ATF7: variants seen among roughly 807,000 people sequenced by gnomAD.
The protein encoded by ATF7 is activating transcription factor 7, also known as cyclic AMP-dependent transcription factor ATF-7.
Under a neutral mutation model 50.4 loss-of-function variants are expected in ATF7, and 10 were observed. The observed-to-expected ratio is 0.20, with a 90% CI of 0.12 to 0.34. ATF7 has a LOEUF of 0.34. Ranked by LOEUF, ATF7 falls within the 10% of genes least tolerant of loss-of-function variation. The probability of loss-of-function intolerance (pLI) is 1.00; values close to 1 mark genes in which losing one functional copy is unlikely to be tolerated. For synonymous variants in ATF7, 201 were observed against 226.4 expected (o/e 0.89, Z 1.01); for missense variants, 465 against 613.9 (o/e 0.76, Z 2.56).
chr12:53,575,317 G>T (rs1942002284), intron 2 of ATF7, among the ~76,000 whole-genome samples: 1 of 151,898 alleles, frequency 6.6e-6, no homozygotes, highest in Admixed American at 6.6e-5. Flanking sequence ...TGAGGCAGGA[G>T]AATCGCTTGA....
chr12:53,618,703 T>TTGTG (rs368518238), intron 1 of ATF7, among the ~76,000 whole-genome samples: 6 of 102,414 alleles, frequency 5.9e-5, no homozygotes, highest in African/African-American at 9.0e-5. Context: ...TAAATGGCAA[T>TTGTG]TGTGTGTGTG....
intron 2 of ATF7, among the ~76,000 whole-genome samples, chr12:53,598,410 A>G (rs1943252464): frequency 6.6e-6 from 1 of 152,232 alleles, no homozygotes; most frequent in Non-Finnish European, 1.5e-5. Flanking sequence ...AGAGGTAGCA[A>G]TGTTCCACAC....
At chr12:53,547,112 G>A (rs540720220) in intron 3 of ATF7, among the ~76,000 whole-genome samples, 1 of 150,374 alleles carries the variant, frequency 6.7e-6, no homozygotes, top group Non-Finnish European at 1.5e-5. Context: ...AGCCTCCCGA[G>A]TAGCTGGGAC....
intron 1 of ATF7, among the ~76,000 whole-genome samples, chr12:53,623,482 T>C (rs1310842435): frequency 2.0e-5 from 3 of 152,232 alleles, no homozygotes; most frequent in Non-Finnish European, 2.9e-5. Flanking sequence ...GAATGCTGCA[T>C]TTGTTTTTCT....
chr12:53,580,559 A>G (rs144670370), intron 2 of ATF7, among the ~76,000 whole-genome samples: 10,435 of 150,256 alleles, frequency 0.069, 550 homozygotes, highest in East Asian at 0.22. Context: ...AGCTACTCAG[A>G]AGGCTGAGGC....
chr12:53,536,766 T>C (rs1038939756), intron 5 of ATF7, among the ~76,000 whole-genome samples: 2 of 151,976 alleles, frequency 1.3e-5, no homozygotes, highest in Non-Finnish European at 2.9e-5. Flanking sequence ...CACGCACCTG[T>C]AGTCCCAGCT....
intron 2 of ATF7, among the ~76,000 whole-genome samples, chr12:53,565,637 T>A (rs1941408075): frequency 2.0e-5 from 3 of 151,894 alleles, no homozygotes; most frequent in Admixed American, 2.0e-4. Context: ...GGATTACAGG[T>A]GTGTGCTACC....
At chr12:53,528,877 G>C (rs998130706) in intron 9 of ATF7, among the ~76,000 whole-genome samples, 1 of 152,186 alleles carries the variant, frequency 6.6e-6, no homozygotes, top group Admixed American at 6.5e-5. Context: ...GTCATGCAGG[G>C]AATGGAGGTG....
At chr12:53,572,366 A>T (rs187123241) in intron 2 of ATF7, among the ~76,000 whole-genome samples, 29 of 152,294 alleles carry the variant, frequency 1.9e-4, no homozygotes, top group African/African-American at 6.0e-4. Context: ...CATGACAATC[A>T]AGTGCCAGGG....
intron 8 of ATF7, 110 bp from the exon 9 acceptor site, chr12:53,532,006 T>C: frequency 2.4e-6 from 3 of 1,254,032 alleles, no homozygotes; most frequent in Non-Finnish European, 3.3e-6. Flanking sequence ...AAATTTCCAC[T>C]CTAGTTCTCC....
intron 1 of ATF7, 67 bp from the exon 2 acceptor site, chr12:53,601,088 C>T (rs940264326): frequency 1.8e-6 from 2 of 1,086,558 alleles, no homozygotes; most frequent in Non-Finnish European, 2.7e-6. Flanking sequence ...AAAAAAAGTG[C>T]TTCAAAAATA....
At chr12:53,596,413 G>GAGGAAATGCGTTCCTGTTTTTA (rs1223319221) in intron 2 of ATF7, among the ~76,000 whole-genome samples, 1 of 152,218 alleles carries the variant, frequency 6.6e-6, no homozygotes, top group Non-Finnish European at 1.5e-5. Flanking sequence ...TATCTCCTCA[G>GAGGAAATGCGTTCCTGTTTTTA]AGGAAATGCG....
chr12:53,615,810 T>A lies in ATF7; in HGVS notation c.-22+10469A>T, dbSNP rs527480363. Among the ~76,000 whole-genome samples, 27 of 151,776 alleles carry A rather than the reference T, an allele frequency of 1.8e-4. No homozygotes were observed. The South Asian group carries it at 5.2e-3, about 29-fold the overall frequency. On this transcript the variant is annotated intron_variant, in intron 1 of 11. Transcript: ENST00000420353. Reference sequence around the variant, plus strand: ...AGGAGGACTGGAGGATCACTTGAGCTCAGGAGTTCAAGGCTGCCAGTGAGT... The same window carrying A: ...AGGAGGACTGGAGGATCACTTGAGCACAGGAGTTCAAGGCTGCCAGTGAGT...
Position 53,524,686 on chromosome 12 carries a change from G to A in ATF7, c.1003C>T (p.Arg335Trp). The A allele has an allele frequency of 1.9e-6, 3 of 1,613,418 alleles. No homozygotes were observed. Among genetic ancestry groups the A allele is most frequent in the Non-Finnish European group, 1.7e-6 (2 of 1,179,864 alleles). The change falls in exon 10 of 12, where the codon CGG (arginine) becomes TGG (tryptophan). Residue 335 changes from arginine (R) to tryptophan (W), a missense_variant. Transcript: ENST00000420353. This position sits in a 1 kb window ranked among gnomAD's most constrained non-coding sequence, Gnocchi z 4.6. ...RTVDEDPDER[R>W]QRFLERNRAA... ...CGGTTGCGCTCCAGAAAGCGCTGCC[G>A]TCGCTCATCTGGATCTTCATCTACT...
chr12:53,583,313 T>A (rs924006403), intron 2 of ATF7, among the ~76,000 whole-genome samples: 3 of 151,832 alleles, frequency 2.0e-5, no homozygotes, highest in African/African-American at 4.8e-5. Flanking sequence ...AACCCTACTG[T>A]GAACTGTGTA....
chr12:53,553,707 C>T (rs540649163), intron 2 of ATF7, among the ~76,000 whole-genome samples: 3 of 152,346 alleles, frequency 2.0e-5, no homozygotes, highest in South Asian at 2.1e-4. Flanking sequence ...CAGTTTTCCA[C>T]AGCTCCTTCA....
intron 2 of ATF7, among the ~76,000 whole-genome samples, chr12:53,594,586 T>G (rs1943075430): frequency 6.6e-6 from 1 of 152,228 alleles, no homozygotes; most frequent in Non-Finnish European, 1.5e-5. Context: ...CATGTCTACA[T>G]TTTAAAAATT....
intron 11 of ATF7, 117 bp from the exon 12 acceptor site, chr12:53,517,471 T>A (rs1382928393): frequency 9.6e-7 from 1 of 1,044,856 alleles, no homozygotes; most frequent in Non-Finnish European, 1.4e-6. Flanking sequence ...ATGAAACCCA[T>A]CTTTTTTTTG....
chr12:53,587,843 A>ATATATATATATATATATATATTTTT, intron 2 of ATF7, among the ~76,000 whole-genome samples: 11 of 61,552 alleles, frequency 1.8e-4, no homozygotes, highest in South Asian at 7.4e-4. Flanking sequence ...ATATATATAT[A>ATATATATATATATATATATATTTTT]TTTTTTTTTT....
Sources: gnomAD v4.1 joint callset for allele counts (sites outside exome capture counted in the v4.1 genomes callset) on GRCh38, gnomAD v4.1.1 for gene constraint, Gnocchi (gnomAD v3.1) non-coding constraint, MANE v1.5 for transcripts, NCBI Gene and HGNC (gene_info 2026-07-23, HGNC 2026-07-21) for gene names.